The following HHIP variants were observed in gnomAD, a reference collection of about 807,000 sequenced individuals.
HHIP encodes the protein hedgehog interacting protein.
A neutral mutation model predicts 74.0 loss-of-function variants in HHIP; 12 were observed. The observed-to-expected ratio is 0.16, with a 90% CI of 0.10 to 0.26. The LOEUF (loss-of-function observed/expected upper bound fraction) is 0.26, where lower values mean the gene tolerates loss of function less well. Among genes scored for constraint, HHIP ranks in the 10% least tolerant of loss-of-function variants. The probability of loss-of-function intolerance (pLI) is 1.00; values close to 1 mark genes in which losing one functional copy is unlikely to be tolerated. For missense variants in HHIP, 788 were observed against 845.0 expected (o/e 0.93, Z 0.84); for synonymous variants, 309 against 311.6 (o/e 0.99, Z 0.09).
chr4:144,647,810 G>C (rs920896175), intron 1 of HHIP, among the ~76,000 whole-genome samples: 15 of 152,248 alleles, frequency 9.9e-5, no homozygotes, highest in African/African-American at 3.4e-4. Flanking sequence ...AGGAATCATT[G>C]CTGGCTCACA....
intron 4 of HHIP, among the ~76,000 whole-genome samples, chr4:144,676,446 T>C (rs1729170414): frequency 6.6e-6 from 1 of 152,240 alleles, no homozygotes; most frequent in South Asian, 2.1e-4. Context: ...TTATTGTTTG[T>C]ATGTTTGTTT....
rs1731186084 is a variant in HHIP, at chr4:144,738,535, T to G, written c.*578T>G. 1.1e-6 allele frequency: 1 copy of G among 932,490 alleles called. No individual in the cohort carries two copies. Among genetic ancestry groups the G allele is most frequent in the Non-Finnish European group, 1.3e-6 (1 of 781,580 alleles). 57.8% of individuals were successfully genotyped at this position (932,490 alleles called of 1,614,324 possible). Reference sequence around the variant, plus strand: ...GCTACACACTTACCTTTTTATTGGCTGAGAAATCTGGTTATTTCATCTTAA... The same window carrying G: ...GCTACACACTTACCTTTTTATTGGCGGAGAAATCTGGTTATTTCATCTTAA... On this transcript the variant is annotated 3_prime_UTR_variant, in exon 13 of 13. Transcript: ENST00000296575.
intron 6 of HHIP, among the ~76,000 whole-genome samples, chr4:144,707,557 CTG>C (rs921393268): frequency 7.0e-6 from 1 of 143,526 alleles, no homozygotes; most frequent in Non-Finnish European, 1.5e-5. Flanking sequence ...CCTCTCAACA[CTG>C]TGTAATAGGC....
rs377207444 is a variant in HHIP, at chr4:144,743,008, TATTA to T, written c.*5052_*5055del. ...ACATTATATATATATAATATATATATATTATATATATATAATATATATCTTATAT... is the reference window on the plus strand; with the variant it reads ...ACATTATATATATATAATATATATATTATATATATAATATATATCTTATAT... On this transcript the variant is annotated 3_prime_UTR_variant, in exon 13 of 13. Transcript: ENST00000296575. The T allele has an allele frequency of 0.014, 21 of 1,458 alleles. No homozygotes were observed. Among genetic ancestry groups the T allele is most frequent in the Admixed American group, 0.058 (3 of 52 alleles). 0.1% of individuals were successfully genotyped at this position (1,458 alleles called of 1,614,324 possible). A position where few individuals can be genotyped will look rare whatever the true frequency, so the allele number is the denominator to read the frequency against.
At chr4:144,719,833 A>G (rs923783) in intron 11 of HHIP, among the ~76,000 whole-genome samples, 87,867 of 152,016 alleles carry the variant, frequency 0.58, 25,662 homozygotes, top group South Asian at 0.76. Flanking sequence ...TCATGACTCC[A>G]TTTTCAAATT....
intron 4 of HHIP, chr4:144,660,094 A>G: frequency 1.9e-6 from 1 of 534,836 alleles, no homozygotes; most frequent in Non-Finnish European, 3.3e-6. Flanking sequence ...ACACATTTAA[A>G]GGAATCTTTG....
At position 144,739,537 on chromosome 4, in the gene HHIP, T is replaced by C. The variant is rs1231380633; in HGVS notation, c.*1580T>C. 1 of 152,226 alleles carries C rather than the reference T, an allele frequency of 6.6e-6. No individual in the cohort carries two copies. Among genetic ancestry groups the C allele is most frequent in the African/African-American group, 2.4e-5 (1 of 41,462 alleles). 9.4% of individuals were successfully genotyped at this position (152,226 alleles called of 1,614,324 possible). A position where few individuals can be genotyped will look rare whatever the true frequency, so the allele number is the denominator to read the frequency against. On this transcript the variant is annotated 3_prime_UTR_variant, in exon 13 of 13. Coordinates refer to ENST00000296575, the MANE Select transcript of HHIP (RefSeq NM_022475.3). ...CTCTATTGTTTTAAGGTGAGAGATT[T>C]GCAATTAAAGCCCAGTAAGCATTTA... is the stretch of plus-strand genomic sequence containing the variant.
intron 4 of HHIP, among the ~76,000 whole-genome samples, chr4:144,703,669 G>C (rs1258133622): frequency 6.6e-6 from 1 of 152,148 alleles, no homozygotes; most frequent in African/African-American, 2.4e-5. Context: ...TGGGACAAAG[G>C]GGACTAAGAT....
At chr4:144,692,705 A>C (rs1729708795) in intron 4 of HHIP, among the ~76,000 whole-genome samples, 1 of 152,202 alleles carries the variant, frequency 6.6e-6, no homozygotes, top group African/African-American at 2.4e-5. Context: ...GCTAGAATAC[A>C]ATAGCCCAGG....
At position 144,738,857 on chromosome 4, in the gene HHIP, T is replaced by G. The variant is rs544080803; in HGVS notation, c.*900T>G. The G allele has an allele frequency of 7.4e-5, 14 of 189,900 alleles. No homozygotes were observed. Among genetic ancestry groups the G allele is most frequent in the Admixed American group, 7.2e-4 (11 of 15,318 alleles). 11.8% of individuals were successfully genotyped at this position (189,900 alleles called of 1,614,324 possible). ...GTGGATCTAATCTAGCAAGGTATCC[T>G]TGTGCCAACATGTAATCATTAACGA... On this transcript the variant is annotated 3_prime_UTR_variant, in exon 13 of 13. Transcript: ENST00000296575.
intron 11 of HHIP, among the ~76,000 whole-genome samples, chr4:144,726,514 C>A (rs1390745933): frequency 6.6e-6 from 1 of 151,902 alleles, no homozygotes; most frequent in Non-Finnish European, 1.5e-5. Context: ...GTACCATAAC[C>A]CTGTACATTA....
chr4:144,663,998 T>G (rs1728787449), intron 4 of HHIP, among the ~76,000 whole-genome samples: 1 of 152,160 alleles, frequency 6.6e-6, no homozygotes, highest in Admixed American at 6.5e-5. Flanking sequence ...TCAAGGAAAC[T>G]AGCAAACACC....
At chr4:144,726,681 T>C (rs1023534215) in intron 11 of HHIP, among the ~76,000 whole-genome samples, 2 of 152,190 alleles carry the variant, frequency 1.3e-5, no homozygotes, top group Non-Finnish European at 2.9e-5. Context: ...AAAGTAGTTA[T>C]GTAGCTTTTC....
At chr4:144,698,002 C>A (rs1413785762) in intron 4 of HHIP, among the ~76,000 whole-genome samples, 1 of 152,092 alleles carries the variant, frequency 6.6e-6, no homozygotes, top group Non-Finnish European at 1.5e-5. Context: ...TGTGGAATCT[C>A]TTTTATTCTT....
At chr4:144,716,854 G>GAAAAAAAAAAAAAAAAAAAAAAAAAAAAA (rs869028218) in intron 10 of HHIP, among the ~76,000 whole-genome samples, 2 of 54,654 alleles carry the variant, frequency 3.7e-5, no homozygotes, top group Non-Finnish European at 6.8e-5. Context: ...CGTCTCAAAA[G>GAAAAAAAAAAAAAAAAAAAAAAAAAAAAA]AAAAAAAAAA....
chr4:144,692,918 G>T (rs1729714764), intron 4 of HHIP, among the ~76,000 whole-genome samples: 2 of 152,070 alleles, frequency 1.3e-5, no homozygotes, highest in South Asian at 4.1e-4. Flanking sequence ...AAGCAAGGTA[G>T]TCTGGATCCC....
chr4:144,663,779 G>C (rs187479820), intron 4 of HHIP, among the ~76,000 whole-genome samples: 1 of 152,194 alleles, frequency 6.6e-6, no homozygotes, highest in Non-Finnish European at 1.5e-5. Context: ...CAGCTAGTTG[G>C]CAAAATTGCT....
In HHIP at chr4:144,652,803, A is replaced by T. The variant is rs79150185; in HGVS notation, c.472+6A>T. On this transcript the variant is annotated splice_donor_region_variant and intron_variant, in intron 2 of 12. Coordinates refer to ENST00000296575, the MANE Select transcript of HHIP (RefSeq NM_022475.3). ...TTGCCGAGGCCATATTCCAGGTAAGAAAAAAAAATGCATAAGTAAAATAAA... is the reference window on the plus strand; with the variant it reads ...TTGCCGAGGCCATATTCCAGGTAAGTAAAAAAAATGCATAAGTAAAATAAA... 2.0e-5 allele frequency: 13 copies of T among 656,956 alleles called. No individual in the cohort carries two copies. Among genetic ancestry groups the T allele is most frequent in the Non-Finnish European group, 2.8e-5 (12 of 430,380 alleles). The allele number at this position is 656,956 out of a possible 1,614,324, so 40.7% of individuals were successfully genotyped here.
At position 144,646,768 on chromosome 4, in the gene HHIP, G is replaced by A. The variant is rs1249050059; in HGVS notation, c.93G>A (p.Gly31=). The part of the protein sequence containing the change: ...GDAKFGERNE[G]SGARRRRCLN... ...CTAAGTTTGGGGAAAGAAACGAAGG[G>A]AGCGGAGCAAGGAGGAGAAGGTGCC... The change falls in exon 1 of 13, where the codon GGG becomes GGA. Residue 31 remains glycine, a synonymous_variant. Transcript: ENST00000296575. The A allele has an allele frequency of 1.2e-6, 2 of 1,614,214 alleles. No individual in the cohort carries two copies. The highest frequency in any genetic ancestry group is 1.7e-6 in the Non-Finnish European group (2 of 1,180,042).
Sources: gnomAD v4.1 joint callset for allele counts (sites outside exome capture counted in the v4.1 genomes callset) on GRCh38, gnomAD v4.1.1 for gene constraint, MANE v1.5 for transcripts, NCBI Gene and HGNC (gene_info 2026-07-23, HGNC 2026-07-21) for gene names.